Variants in WWOX observed in about 807,000 individuals in gnomAD.
WWOX encodes WW domain-containing oxidoreductase.
A neutral mutation model predicts 46.2 loss-of-function variants in WWOX; 69 were observed. That is an observed-to-expected ratio of 1.49 (90% CI 1.23 to 1.82). WWOX has a LOEUF of 1.82. WWOX is among the 40% of genes most tolerant of loss of function. The pLI, the probability that WWOX is intolerant of heterozygous loss-of-function variation, is 0.00. For synonymous variants in WWOX, 359 were observed against 202.6 expected, an observed-to-expected ratio of 1.77 and a Z score of -6.56; for missense variants, 919 against 542.6, an observed-to-expected ratio of 1.69 and a Z score of -6.89.
At chr16:78,558,032 G>C (rs952209510) in intron 8 of WWOX, among the ~76,000 whole-genome samples, 4 of 152,056 alleles carry the variant, frequency 2.6e-5, no homozygotes, top group African/African-American at 9.7e-5. Flanking sequence ...CAAGCACATA[G>C]TCGGCCCTCA....
intron 8 of WWOX, among the ~76,000 whole-genome samples, chr16:78,812,504 C>G (rs999297056): frequency 7.2e-5 from 11 of 152,082 alleles, no homozygotes; most frequent in Non-Finnish European, 1.2e-4. Context: ...GACGGATCAC[C>G]TGAGGTCAGG....
chr16:78,827,780 G>A (rs781358209), intron 8 of WWOX, among the ~76,000 whole-genome samples: 1 of 152,192 alleles, frequency 6.6e-6, no homozygotes, highest in Non-Finnish European at 1.5e-5. Flanking sequence ...GGCAGCGGTT[G>A]CAGTGAGCCG....
intron 7 of WWOX, among the ~76,000 whole-genome samples, chr16:78,425,365 C>G (rs916287056): frequency 2.0e-5 from 3 of 152,034 alleles, no homozygotes; most frequent in Non-Finnish European, 4.4e-5. Context: ...ATTTGTAATT[C>G]AACAACTTCA....
At chr16:78,889,477 C>T (rs552344111) in intron 8 of WWOX, among the ~76,000 whole-genome samples, 139 of 151,836 alleles carry the variant, frequency 9.2e-4, no homozygotes, top group African/African-American at 3.2e-3. Flanking sequence ...TTGCCCTTGG[C>T]GGTTGATGCT....
At chr16:78,163,296 AAT>A (rs2034858520) in intron 4 of WWOX, among the ~76,000 whole-genome samples, 1 of 152,196 alleles carries the variant, frequency 6.6e-6, no homozygotes, top group Admixed American at 6.5e-5. Context: ...TCAAACTAGG[AAT>A]TGAAATGGCC....
chr16:79,032,964 T>C (rs1165943860), intron 8 of WWOX, among the ~76,000 whole-genome samples: 4 of 151,444 alleles, frequency 2.6e-5, no homozygotes, highest in African/African-American at 4.8e-5. Context: ...GTTCCCCTCT[T>C]TGTGTCTATG....
chr16:78,595,996 C>G (rs570509917), intron 8 of WWOX, among the ~76,000 whole-genome samples: 41 of 152,138 alleles, frequency 2.7e-4, no homozygotes, highest in Non-Finnish European at 5.3e-4. Context: ...AAGACATATA[C>G]TCAGAGTGGG....
intron 8 of WWOX, among the ~76,000 whole-genome samples, chr16:78,636,505 CT>C (rs1437844238): frequency 1.3e-5 from 2 of 152,080 alleles, no homozygotes; most frequent in African/African-American, 4.8e-5. Context: ...TGTGTACTAT[CT>C]TTTTTTTCCT....
At chr16:78,331,172 T>C (rs573237260) in intron 5 of WWOX, among the ~76,000 whole-genome samples, 97 of 152,352 alleles carry the variant, frequency 6.4e-4, no homozygotes, top group Non-Finnish European at 1.3e-3. Flanking sequence ...TGGAACGGCT[T>C]TTTGTTGCAA....
At chr16:78,973,151 T>G (rs2046504811) in intron 8 of WWOX, among the ~76,000 whole-genome samples, 1 of 152,212 alleles carries the variant, frequency 6.6e-6, no homozygotes, top group Non-Finnish European at 1.5e-5. Flanking sequence ...TGCGGAAATC[T>G]CTGCCACGTC....
intron 8 of WWOX, among the ~76,000 whole-genome samples, chr16:78,726,836 G>A (rs979899685): frequency 1.3e-5 from 2 of 152,100 alleles, no homozygotes; most frequent in African/African-American, 2.4e-5. Flanking sequence ...GAGGCTTTCA[G>A]TTTCTTCATC....
In WWOX at chr16:78,305,787, C is replaced by T. The variant is rs539585288; in HGVS notation, c.517-81073C>T. Among the ~76,000 whole-genome samples, 10 of 152,102 alleles carry T rather than the reference C, an allele frequency of 6.6e-5. No homozygotes were observed. The South Asian group carries it at 8.3e-4, about 13-fold the overall frequency. On this transcript the variant is annotated intron_variant, in intron 5 of 8. Coordinates refer to ENST00000566780, the MANE Select transcript of WWOX (RefSeq NM_016373.4). ...AAGTTAGTTTGAAATGAGAAATTGC[C>T]GGTGACCTGAAACCCATCATTATTA... is the stretch of plus-strand genomic sequence containing the variant.
Position 78,752,870 on chromosome 16 carries a change from C to G in WWOX, c.1056+320118C>G, listed in dbSNP as rs572960779. Reference sequence around the variant, plus strand: ...AATTCCAGGAGTCAGGCTTCCTGATCTAAATCTGTCCTGGTCCCATCTTGG... The same window carrying G: ...AATTCCAGGAGTCAGGCTTCCTGATGTAAATCTGTCCTGGTCCCATCTTGG... On this transcript the variant is annotated intron_variant, in intron 8 of 8. Transcript: ENST00000566780. 1.2e-3 allele frequency among the ~76,000 whole-genome samples: 189 copies of G among 152,332 alleles called. 1 individual carries two copies. Among genetic ancestry groups the G allele is most frequent in the Non-Finnish European group, 2.4e-3 (166 of 68,030 alleles).
chr16:78,978,046 C>T (rs561862628), intron 8 of WWOX, among the ~76,000 whole-genome samples: 2 of 152,348 alleles, frequency 1.3e-5, no homozygotes, highest in East Asian at 3.9e-4. Flanking sequence ...ACTACCCATT[C>T]CTCTTCCCTA....
intron 8 of WWOX, among the ~76,000 whole-genome samples, chr16:79,183,987 C>T (rs1033381475): frequency 6.6e-6 from 1 of 152,232 alleles, no homozygotes. Context: ...GTCACTTTCT[C>T]AACTCTCCTC....
At chr16:78,793,920 G>T (rs2050672964) in intron 8 of WWOX, among the ~76,000 whole-genome samples, 1 of 151,914 alleles carries the variant, frequency 6.6e-6, no homozygotes, top group Non-Finnish European at 1.5e-5. Context: ...AAAAAAAAAA[G>T]TGAAATTTTT....
At chr16:79,090,743 C>G (rs953526878) in intron 8 of WWOX, among the ~76,000 whole-genome samples, 2 of 152,132 alleles carry the variant, frequency 1.3e-5, no homozygotes, top group Non-Finnish European at 2.9e-5. Flanking sequence ...GCCACCAAGG[C>G]CAGGAGGAGA....
At chr16:79,090,882 C>T (rs1030533140) in intron 8 of WWOX, among the ~76,000 whole-genome samples, 14 of 152,182 alleles carry the variant, frequency 9.2e-5, no homozygotes, top group Admixed American at 1.3e-4. Flanking sequence ...CAACCTTTGC[C>T]TCCTGGGTTC....
chr16:78,180,197 T>G (rs1040710675), intron 5 of WWOX, among the ~76,000 whole-genome samples: 20 of 152,170 alleles, frequency 1.3e-4, no homozygotes, highest in South Asian at 4.1e-4. Context: ...CCATCCTGAT[T>G]TGGAAAATCT....
Sources: allele counts gnomAD v4.1 joint callset (sites outside exome capture counted in the v4.1 genomes callset), GRCh38; gene constraint gnomAD v4.1.1; transcripts MANE v1.5; gene names NCBI Gene and HGNC (gene_info 2026-07-23, HGNC 2026-07-21).